ZDHHC2: variants seen among roughly 807,000 people sequenced by gnomAD.
ZDHHC2 encodes the protein palmitoyltransferase ZDHHC2.
A neutral mutation model predicts 55.6 loss-of-function variants in ZDHHC2; 51 were observed. That is an observed-to-expected ratio of 0.92 (90% CI 0.73 to 1.16). The LOEUF (loss-of-function observed/expected upper bound fraction) is 1.16. ZDHHC2 is among the 50% of genes most tolerant of loss of function. The pLI is 0.00. For missense variants in ZDHHC2, 491 were observed against 442.4 expected (o/e 1.11, Z -0.99); for synonymous variants, 199 against 152.9 (o/e 1.30, Z -2.22).
chr8:17,186,284 G>C (rs777270938), intron 2 of ZDHHC2, 47 bp from the exon 3 acceptor site: 3 of 1,231,208 alleles, frequency 2.4e-6, no homozygotes, highest in Non-Finnish European at 3.4e-6. Context: ...CATAATTTTA[G>C]TATGTATTTG....
chr8:17,199,618 C>CCT (rs1806618030), intron 6 of ZDHHC2, among the ~76,000 whole-genome samples: 2 of 49,122 alleles, frequency 4.1e-5, no homozygotes, highest in Non-Finnish European at 9.3e-5. Context: ...TCTTCTTCTT[C>CCT]TTCTTCCTTT....
intron 10 of ZDHHC2, 74 bp downstream of exon 10, chr8:17,210,554 C>A: frequency 4.0e-6 from 5 of 1,261,638 alleles, no homozygotes; most frequent in Non-Finnish European, 5.4e-6. Flanking sequence ...GTTATATGTT[C>A]CTTTGAAAAA....
chr8:17,199,627 TTCTTCTTCTTCTCCTCCTCCTCCTC>T lies in ZDHHC2; in HGVS notation c.476+1215_476+1239del, dbSNP rs1563161776. ...ATTCTTTCTTCTTCTTCTTCTTCCT[TTCTTCTTCTTCTCCTCCTCCTCCTC>T]CCTCCTCCCTCCTCCCTCCTTCTTC... On this transcript the variant is annotated intron_variant, in intron 6 of 12. Transcript: ENST00000262096. 1.9e-4 allele frequency among the ~76,000 whole-genome samples: 17 copies of T among 90,050 alleles called. 1 individual carries two copies. The highest frequency in any genetic ancestry group is 3.6e-4 in the South Asian group (1 of 2,774). 59.1% of individuals were successfully genotyped at this position (90,050 alleles called of 152,430 possible). A position where few individuals can be genotyped will look rare whatever the true frequency, so the allele number is the denominator to read the frequency against.
Position 17,210,400 on chromosome 8 carries a change from C to T in ZDHHC2, c.870C>T (p.Gly290=), listed in dbSNP as rs1221346007. 1.2e-5 allele frequency: 19 copies of T among 1,613,120 alleles called. No individual in the cohort carries two copies. The Admixed American group carries it at 3.2e-4, about 27-fold the overall frequency. The part of the protein sequence containing the change: ...LLPIFSSLGD[G]CSFPTCLVNQ... ...ATTTTAATTCTAGTCTAGGTGATGGCTGCTCCTTTCCAACTTGCCTTGTTA... is the reference window on the plus strand; with the variant it reads ...ATTTTAATTCTAGTCTAGGTGATGGTTGCTCCTTTCCAACTTGCCTTGTTA... Residue 290 remains glycine, a synonymous_variant, in exon 10 of 13, where the codon GGC becomes GGT. Coordinates refer to ENST00000262096, the MANE Select transcript of ZDHHC2 (RefSeq NM_016353.5).
chr8:17,197,138 T>C (rs1244680052), intron 4 of ZDHHC2, among the ~76,000 whole-genome samples: 1 of 152,198 alleles, frequency 6.6e-6, no homozygotes, highest in Non-Finnish European at 1.5e-5. Flanking sequence ...AATAAATCAT[T>C]GCTGAGTTTC....
rs1808001494 is a variant in ZDHHC2 at position 17,223,479 on chromosome 8, G to A, written c.*3258G>A. The A allele has an allele frequency of 6.6e-6, 1 of 151,796 alleles. No individual in the cohort carries two copies. The highest frequency in any genetic ancestry group is 2.1e-4 in the South Asian group (1 of 4,832). 9.4% of individuals were successfully genotyped at this position (151,796 alleles called of 1,614,324 possible). A position where few individuals can be genotyped will look rare whatever the true frequency, so the allele number is the denominator to read the frequency against. ...GTGTTCTTCTAAAGCAGAAAACCAC[G>A]TGGCTTAATCCCAAATGTTTTACAC... On this transcript the variant is annotated 3_prime_UTR_variant, in exon 13 of 13. Coordinates refer to ENST00000262096, the MANE Select transcript of ZDHHC2 (RefSeq NM_016353.5).
intron 1 of ZDHHC2, among the ~76,000 whole-genome samples, chr8:17,176,734 GAAAGAC>G (rs945011724): frequency 2.0e-5 from 3 of 151,968 alleles, no homozygotes; most frequent in Admixed American, 1.3e-4. Flanking sequence ...TGCACAAGAG[GAAAGAC>G]GTGTGAGGTG....
chr8:17,209,861 A>G, intron 8 of ZDHHC2, 71 bp from the exon 9 acceptor site: 1 of 1,460,938 alleles, frequency 6.8e-7, no homozygotes, highest in Non-Finnish European at 9.1e-7. Flanking sequence ...TACTTCAATT[A>G]TTGATAAATA....
At chr8:17,176,873 A>G (rs1805160232) in intron 1 of ZDHHC2, among the ~76,000 whole-genome samples, 1 of 152,214 alleles carries the variant, frequency 6.6e-6, no homozygotes, top group South Asian at 2.1e-4. Flanking sequence ...ATATGTAAAA[A>G]TATATAAGTA....
At position 17,195,641 on chromosome 8, in the gene ZDHHC2, A is replaced by T; in HGVS notation, c.373+17A>T. On this transcript the variant is annotated intron_variant, in intron 4 of 12. Coordinates refer to ENST00000262096, the MANE Select transcript of ZDHHC2 (RefSeq NM_016353.5). Reference sequence around the variant, plus strand: ...TGTCTGGAGGTAAATGTTGATAATGAGTGCTTTGCAATGGTATGCAAATAA... The same window carrying T: ...TGTCTGGAGGTAAATGTTGATAATGTGTGCTTTGCAATGGTATGCAAATAA... The T allele has an allele frequency of 6.2e-7, 1 of 1,613,450 alleles. No homozygotes were observed. The highest frequency in any genetic ancestry group is 8.5e-7 in the Non-Finnish European group (1 of 1,179,568).
intron 1 of ZDHHC2, among the ~76,000 whole-genome samples, chr8:17,168,803 G>A (rs2150885646): frequency 6.6e-6 from 1 of 152,192 alleles, no homozygotes; most frequent in East Asian, 1.9e-4. Flanking sequence ...GTTCACCTGT[G>A]TTGTAGCATG....
intron 6 of ZDHHC2, 90 bp from the exon 7 acceptor site, chr8:17,205,565 A>C (rs780152175): frequency 2.2e-6 from 3 of 1,337,766 alleles, no homozygotes; most frequent in Non-Finnish European, 3.0e-6. Flanking sequence ...ATAAATTAGA[A>C]GTGAGAGGAA....
chr8:17,181,941 TA>T lies in ZDHHC2; in HGVS notation c.131-2847del, dbSNP rs1268632677. Among the ~76,000 whole-genome samples, 4 of 152,184 alleles carry T rather than the reference TA, an allele frequency of 2.6e-5. No individual in the cohort carries two copies. The East Asian group carries it at 7.7e-4, about 29-fold the overall frequency. ...TGCATTTGACAATAACTTTGTATTT[TA>T]TGTGTTTTTACTCTGTGAGAAAGGA... On this transcript the variant is annotated intron_variant, in intron 1 of 12. Coordinates refer to ENST00000262096, the MANE Select transcript of ZDHHC2 (RefSeq NM_016353.5).
chr8:17,195,824 C>T (rs527279337), intron 4 of ZDHHC2, among the ~76,000 whole-genome samples, 200 bp downstream of exon 4: 1 of 151,992 alleles, frequency 6.6e-6, no homozygotes, highest in Admixed American at 6.6e-5. Context: ...GCACAGAGAT[C>T]GCAAGGAAAT....
At chr8:17,157,211 G>T (rs1229000076) in intron 1 of ZDHHC2, among the ~76,000 whole-genome samples, 1 of 152,176 alleles carries the variant, frequency 6.6e-6, no homozygotes, top group Non-Finnish European at 1.5e-5. Context: ...GCGCGCCGGG[G>T]GCTGAAGGGC....
chr8:17,202,154 G>A (rs1260100911), intron 6 of ZDHHC2, among the ~76,000 whole-genome samples: 1 of 152,146 alleles, frequency 6.6e-6, no homozygotes, highest in African/African-American at 2.4e-5. Flanking sequence ...TTGAGTGCCG[G>A]TTATGTTCTA....
chr8:17,162,090 C>T (rs1280802874), intron 1 of ZDHHC2, among the ~76,000 whole-genome samples: 4 of 152,084 alleles, frequency 2.6e-5, no homozygotes, highest in Non-Finnish European at 4.4e-5. Flanking sequence ...ATGGTCAAGT[C>T]GGAAAGGGGA....
At chr8:17,182,368 A>T (rs774070145) in intron 1 of ZDHHC2, among the ~76,000 whole-genome samples, 3 of 152,202 alleles carry the variant, frequency 2.0e-5, no homozygotes, top group Non-Finnish European at 4.4e-5. Context: ...GCCAAACTGC[A>T]CTAATAATAA....
At chr8:17,215,436 C>T in intron 11 of ZDHHC2, 87 bp downstream of exon 11, 1 of 998,660 alleles carries the variant, frequency 1.0e-6, no homozygotes. Context: ...ATACTACCTA[C>T]AGATGTTTTC....
Sources: gnomAD v4.1 joint callset for allele counts (sites outside exome capture counted in the v4.1 genomes callset) on GRCh38, gnomAD v4.1.1 for gene constraint, MANE v1.5 for transcripts, NCBI Gene and HGNC (gene_info 2026-07-23, HGNC 2026-07-21) for gene names.